The following PTPN12 variants were observed in gnomAD, a reference collection of about 807,000 sequenced individuals.
PTPN12 encodes protein tyrosine phosphatase non-receptor type 12.
In PTPN12, 29 loss-of-function variants were observed where a neutral mutation model predicts 97.6. That is an observed-to-expected ratio of 0.30 (90% CI 0.22 to 0.41). The LOEUF (loss-of-function observed/expected upper bound fraction) is 0.41. PTPN12 is among the 10% of genes least tolerant of loss of function. The pLI is 1.00. For missense variants in PTPN12, 819 were observed against 926.0 expected (o/e 0.88, Z 1.50); for synonymous variants, 327 against 300.4 (o/e 1.09, Z -0.91).
intron 7 of PTPN12, among the ~76,000 whole-genome samples, chr7:77,598,625 A>G (rs986235861): frequency 1.3e-5 from 2 of 151,298 alleles, no homozygotes; most frequent in South Asian, 2.1e-4. Context: ...AGAGGTTGCA[A>G]TAAGCCGAGA....
intron 13 of PTPN12, among the ~76,000 whole-genome samples, chr7:77,629,554 C>CT (rs373775665): frequency 0.016 from 2,316 of 144,756 alleles, 61 homozygotes; most frequent in African/African-American, 0.053. Context: ...TGTTCTTTTG[C>CT]TTTTTTTTTT....
chr7:77,629,217 G>C (rs1200737763), intron 13 of PTPN12, among the ~76,000 whole-genome samples: 1 of 152,244 alleles, frequency 6.6e-6, no homozygotes, highest in African/African-American at 2.4e-5. Context: ...CCAAAGGGCT[G>C]GGATTACAGG....
chr7:77,628,579 A>G (rs1451535613), intron 13 of PTPN12, among the ~76,000 whole-genome samples: 2 of 147,734 alleles, frequency 1.4e-5, no homozygotes, highest in Non-Finnish European at 3.0e-5. Context: ...TTTTTTTGAG[A>G]CTTGCACTCA....
chr7:77,625,472 G>GCTCGCGCTCTCT lies in PTPN12; in HGVS notation c.1026-1230_1026-1229insGCGCTCTCTCTC. On this transcript the variant is annotated intron_variant, in intron 12 of 17. Coordinates refer to ENST00000248594, the MANE Select transcript of PTPN12 (RefSeq NM_002835.4). ...TTTTGCCATATTGCCCAGGCTGCTCGCTCTCTCTCTCTCTCTCTCTCTCTC... is the reference window on the plus strand; with the variant it reads ...TTTTGCCATATTGCCCAGGCTGCTCGCTCGCGCTCTCTCTCTCTCTCTCTCTCTCTCTCTCTC... Among the ~76,000 whole-genome samples the GCTCGCGCTCTCT allele has an allele frequency of 9.6e-3, 323 of 33,472 alleles. 56 individuals carry two copies. The highest frequency in any genetic ancestry group is 0.049 in the East Asian group (43 of 884). The allele number at this position is 33,472 out of a possible 152,430, so 22.0% of individuals were successfully genotyped here.
chr7:77,593,376 A>T (rs947088785), intron 6 of PTPN12, among the ~76,000 whole-genome samples: 1 of 152,148 alleles, frequency 6.6e-6, no homozygotes, highest in Non-Finnish European at 1.5e-5. Context: ...ATGTGTATAC[A>T]TTTAAGGAGA....
At chr7:77,600,568 A>G in intron 7 of PTPN12, 96 bp from the exon 8 acceptor site, 1 of 1,083,276 alleles carries the variant, frequency 9.2e-7, no homozygotes, top group South Asian at 1.8e-5. Context: ...GCTAAATGCC[A>G]CACAAATTTC....
At chr7:77,542,979 A>T (rs762510686) in intron 1 of PTPN12, among the ~76,000 whole-genome samples, 7 of 152,140 alleles carry the variant, frequency 4.6e-5, no homozygotes, top group South Asian at 4.1e-4. Flanking sequence ...GAAGAACATC[A>T]GTCTTAAAAT....
chr7:77,556,452 A>G (rs1028824499), intron 1 of PTPN12, among the ~76,000 whole-genome samples: 4 of 152,182 alleles, frequency 2.6e-5, no homozygotes, highest in Non-Finnish European at 5.9e-5. Context: ...AATGACCTGT[A>G]GTTGGGTATT....
intron 12 of PTPN12, among the ~76,000 whole-genome samples, chr7:77,625,473 C>CTCTCTCTCTCTCTCTCTCTCTCTT (rs1491232587): frequency 2.1e-4 from 5 of 24,316 alleles, no homozygotes; most frequent in Admixed American, 4.6e-4. Context: ...AGGCTGCTCG[C>CTCTCTCTCTCTCTCTCTCTCTCTT]TCTCTCTCTC....
chr7:77,635,948 T>A, intron 15 of PTPN12, 99 bp downstream of exon 15: 1 of 703,346 alleles, frequency 1.4e-6, no homozygotes, highest in Non-Finnish European at 2.2e-6. Flanking sequence ...TTAAGATCGT[T>A]AAATATAGTT....
At chr7:77,541,502 A>C (rs962952410) in intron 1 of PTPN12, among the ~76,000 whole-genome samples, 1 of 152,196 alleles carries the variant, frequency 6.6e-6, no homozygotes, top group African/African-American at 2.4e-5. Context: ...ATTTTTGCTG[A>C]AACTGACATT....
At chr7:77,561,553 CAATAAGTA>C (rs1807995904) in intron 1 of PTPN12, among the ~76,000 whole-genome samples, 1 of 152,054 alleles carries the variant, frequency 6.6e-6, no homozygotes, top group African/African-American at 2.4e-5. Flanking sequence ...ATATAGCGGT[CAATAAGTA>C]TTGAGGTCTC....
At chr7:77,546,482 T>C (rs1017890796) in intron 1 of PTPN12, among the ~76,000 whole-genome samples, 1 of 152,248 alleles carries the variant, frequency 6.6e-6, no homozygotes. Context: ...TTTAAGTTTC[T>C]TTAGATTCAT....
At chr7:77,604,848 C>T in intron 8 of PTPN12, 1 of 423,772 alleles carries the variant, frequency 2.4e-6, no homozygotes, top group Non-Finnish European at 4.8e-6. Flanking sequence ...GGTATGTGAT[C>T]AGAATTTAAT....
At chr7:77,563,078 C>T (rs909981433) in intron 1 of PTPN12, among the ~76,000 whole-genome samples, 2 of 151,656 alleles carry the variant, frequency 1.3e-5, no homozygotes, top group African/African-American at 4.8e-5. Flanking sequence ...TAAAAACATT[C>T]TCAAAATCAA....
chr7:77,597,304 G>A (rs952050337), intron 6 of PTPN12, among the ~76,000 whole-genome samples: 19 of 152,118 alleles, frequency 1.2e-4, no homozygotes, highest in African/African-American at 4.6e-4. Flanking sequence ...TTGTATTTTC[G>A]TAGAGATGGG....
Position 77,627,435 on chromosome 7 carries a change from A to G in PTPN12, c.1756A>G (p.Asn586Asp). The G allele has an allele frequency of 6.2e-7, 1 of 1,614,114 alleles. No homozygotes were observed. Among genetic ancestry groups the G allele is most frequent in the East Asian group, 2.2e-5 (1 of 44,890 alleles). Residue 586 changes from asparagine to aspartate, a missense_variant, in exon 13 of 18, where the codon AAC (asparagine) becomes GAC (aspartate). Around this residue, in one of 5 missense-constraint regions of PTPN12, gnomAD observed 607 missense variants for 577.3 expected, o/e 1.05. Transcript: ENST00000248594. ...AACACCTGATCTTGTGGATCATGAT[A>G]ACACTTCACCACTCTTCAGAACACC... ...VETPDLVDHD[N>D]TSPLFRTPLS...
chr7:77,539,218 C>T (rs186608781), intron 1 of PTPN12, among the ~76,000 whole-genome samples: 190 of 152,264 alleles, frequency 1.2e-3, no homozygotes, highest in African/African-American at 4.4e-3. Flanking sequence ...CAGTATTATA[C>T]TAGCATCGTT....
chr7:77,580,430 T>C (rs1787477532), intron 2 of PTPN12, among the ~76,000 whole-genome samples: 1 of 152,168 alleles, frequency 6.6e-6, no homozygotes, highest in Non-Finnish European at 1.5e-5. Flanking sequence ...CAGAACAGCA[T>C]GTATAGGATG....
Sources: gnomAD v4.1 joint callset for allele counts (sites outside exome capture counted in the v4.1 genomes callset) on GRCh38, gnomAD v4.1.1 for gene constraint, gnomAD v4.1.1 regional missense constraint, MANE v1.5 for transcripts, NCBI Gene and HGNC (gene_info 2026-07-23, HGNC 2026-07-21) for gene names.